The following MAF variants were observed in gnomAD, a reference collection of about 807,000 sequenced individuals.
The protein encoded by MAF is transcription factor Maf.
Under a neutral mutation model 22.0 loss-of-function variants are expected in MAF, and 10 were observed. The ratio of observed to expected loss-of-function variants is 0.45; its 90% CI spans 0.28 to 0.77. The LOEUF is 0.77. Ranked by LOEUF, MAF falls within the 30% of genes least tolerant of loss-of-function variation. The pLI is 0.12. For missense variants in MAF, 544 were observed against 548.4 expected (o/e 0.99, Z 0.08); for synonymous variants, 337 against 255.8 (o/e 1.32, Z -3.03).
the MAF span, among the ~76,000 whole-genome samples, chr16:79,354,966 C>G: frequency 6.7e-6 from 1 of 149,926 alleles, no homozygotes; most frequent in African/African-American, 2.5e-5. Flanking sequence ...AAGCTCTTGG[C>G]AGGGGATTAA....
downstream of MAF, among the ~76,000 whole-genome samples, chr16:79,582,387 C>A (rs766532116): frequency 2.0e-5 from 3 of 152,176 alleles, no homozygotes; most frequent in Non-Finnish European, 4.4e-5. Flanking sequence ...TGCACTTTTG[C>A]AGAAATTCCT....
At chr16:79,542,705 G>C in the MAF span, among the ~76,000 whole-genome samples, 1 of 152,166 alleles carries the variant, frequency 6.6e-6, no homozygotes, top group African/African-American at 2.4e-5. Context: ...GGCAAGCTGG[G>C]TTTCCTGGAC....
At chr16:79,545,852 C>T in the MAF span, among the ~76,000 whole-genome samples, 2 of 151,998 alleles carry the variant, frequency 1.3e-5, no homozygotes, top group African/African-American at 2.4e-5. Context: ...TAGTTAATAA[C>T]AATGTATACT....
At chr16:79,487,720 T>C in the MAF span, among the ~76,000 whole-genome samples, 41 of 152,174 alleles carry the variant, frequency 2.7e-4, no homozygotes, top group African/African-American at 9.7e-4. Flanking sequence ...ACTGTCCACA[T>C]AGACCTAATG....
chr16:79,596,191 C>A, intron 1 of MAF: 1 of 1,062,146 alleles, frequency 9.4e-7, no homozygotes, highest in South Asian at 4.6e-5. Context: ...CCTAGTTCCA[C>A]TGTTTTGTTT....
the MAF span, among the ~76,000 whole-genome samples, chr16:79,447,547 A>G: frequency 1.3e-5 from 2 of 152,190 alleles, no homozygotes; most frequent in South Asian, 2.1e-4. Flanking sequence ...AATAGCTGCT[A>G]TAAGTAGTGA....
chr16:79,270,435 C>T, the MAF span, among the ~76,000 whole-genome samples: 1 of 152,134 alleles, frequency 6.6e-6, no homozygotes, highest in African/African-American at 2.4e-5. Flanking sequence ...AGCTAGGAAT[C>T]CTGCCTCCTT....
At chr16:79,438,180 G>A in the MAF span, among the ~76,000 whole-genome samples, 2 of 152,090 alleles carry the variant, frequency 1.3e-5, no homozygotes, top group African/African-American at 2.4e-5. Flanking sequence ...GGCCCTTTGT[G>A]GGGGGTTCCC....
chr16:79,556,927 T>C, the MAF span, among the ~76,000 whole-genome samples: 1 of 152,084 alleles, frequency 6.6e-6, no homozygotes, highest in Non-Finnish European at 1.5e-5. Flanking sequence ...GCTTTGCTGA[T>C]TATTTCTGTT....
chr16:79,358,657 C>A, the MAF span, among the ~76,000 whole-genome samples: 7 of 152,212 alleles, frequency 4.6e-5, no homozygotes, highest in African/African-American at 1.7e-4. Context: ...TAGGTGAGGG[C>A]TTTACAGATA....
At chr16:79,578,083 A>C in the MAF span, among the ~76,000 whole-genome samples, 1 of 152,214 alleles carries the variant, frequency 6.6e-6, no homozygotes, top group African/African-American at 2.4e-5. Context: ...TAACAAGCAG[A>C]ATAGCTGTTT....
downstream of MAF, among the ~76,000 whole-genome samples, chr16:79,589,159 C>G (rs1201017292): frequency 6.6e-6 from 1 of 151,894 alleles, no homozygotes; most frequent in Non-Finnish European, 1.5e-5. Flanking sequence ...ACCGAGGGTC[C>G]CTCTAAGAAA....
At chr16:79,274,284 AAC>A in the MAF span, among the ~76,000 whole-genome samples, 1 of 151,840 alleles carries the variant, frequency 6.6e-6, no homozygotes, top group Non-Finnish European at 1.5e-5. Flanking sequence ...CAGAAAAAAG[AAC>A]AAACAATAAA....
the MAF span, among the ~76,000 whole-genome samples, chr16:79,394,092 A>T: frequency 0.013 from 2,033 of 152,288 alleles, 14 homozygotes; most frequent in Non-Finnish European, 0.023. Context: ...CTTCACCGTC[A>T]TTCTCTGTGT....
the MAF span, among the ~76,000 whole-genome samples, chr16:79,381,195 A>G: frequency 2.0e-5 from 3 of 152,238 alleles, no homozygotes; most frequent in South Asian, 6.2e-4. Context: ...TTCCCTACAA[A>G]TCATGTGACT....
At chr16:79,498,564 C>T in the MAF span, among the ~76,000 whole-genome samples, 1 of 152,170 alleles carries the variant, frequency 6.6e-6, no homozygotes, top group African/African-American at 2.4e-5. Flanking sequence ...ACCACTGTGC[C>T]AAGTGTTTGG....
the MAF span, among the ~76,000 whole-genome samples, chr16:79,525,650 T>C: frequency 3.3e-5 from 5 of 152,184 alleles, no homozygotes; most frequent in African/African-American, 9.7e-5. Context: ...ATGATGTACA[T>C]TTGAATCCCC....
chr16:79,211,685 C>T, the MAF span: 4,417 of 1,614,244 alleles, frequency 2.7e-3, 13 homozygotes, highest in Non-Finnish European at 2.9e-3. Context: ...ACTTCAACAA[C>T]TGCTGCCGCT....
At chr16:79,455,490 C>T in the MAF span, among the ~76,000 whole-genome samples, 3 of 152,088 alleles carry the variant, frequency 2.0e-5, no homozygotes, top group African/African-American at 7.2e-5. Context: ...TTGAGAAGCG[C>T]ACAAATGGCA....
Sources: gnomAD v4.1 joint callset for allele counts (sites outside exome capture counted in the v4.1 genomes callset) on GRCh38, gnomAD v4.1.1 for gene constraint, MANE v1.5 for transcripts, NCBI Gene and HGNC (gene_info 2026-07-23, HGNC 2026-07-21) for gene names.